The following XG variants were observed in gnomAD, a reference collection of about 807,000 sequenced individuals.
XG encodes the protein Xg glycoprotein (Xg blood group).
Under a neutral mutation model 25.7 loss-of-function variants are expected in XG, and 24 were observed. The observed-to-expected ratio is 0.93, with a 90% CI of 0.68 to 1.31. The LOEUF (loss-of-function observed/expected upper bound fraction) is 1.31, where lower values mean the gene tolerates loss of function less well. XG is among the 40% of genes most tolerant of loss of function. XG has a pLI of 0.00. For synonymous variants in XG, 77 were observed against 69.2 expected, an observed-to-expected ratio of 1.11 and a Z score of -0.56; for missense variants, 181 against 187.6, an observed-to-expected ratio of 0.96 and a Z score of 0.21.
chrX:2,769,305 C>T (rs1412694905), intron 1 of XG, among the ~76,000 whole-genome samples: 3 of 152,214 alleles, frequency 2.0e-5, no homozygotes, highest in Admixed American at 2.0e-4. Flanking sequence ...CTGGTTCCCC[C>T]AGGCTTAGCC....
At chrX:2,808,365 C>T (rs896570052) in intron 9 of XG, 145 bp downstream of exon 9, 1 of 848,034 alleles carries the variant, frequency 1.2e-6, no homozygotes, top group Non-Finnish European at 1.7e-6. Context: ...AAAGTAGCTC[C>T]TGAATAAAAA....
rs2087097153 is a variant in XG at position 2,815,637 on chromosome X, A to C, written c.*1257A>C. The stretch of plus-strand genomic sequence containing the variant: ...TGCATCATTTGTGCAGTTTGAAGAT[A>C]GTCCATATTTCCTATTTCAGTATTA... On this transcript the variant is annotated 3_prime_UTR_variant, in exon 11 of 11. Transcript: ENST00000644266. 1 of 111,147 alleles carries C rather than the reference A, an allele frequency of 9.0e-6. No individual in the cohort carries two copies. The highest frequency in any genetic ancestry group is 3.8e-4 in the South Asian group (1 of 2,598). The allele number at this position is 111,147 out of a possible 1,213,427, so 9.2% of individuals were successfully genotyped here. A position where few individuals can be genotyped will look rare whatever the true frequency, so the allele number is the denominator to read the frequency against.
rs1467815831 is a variant in XG at position 2,794,549 on chromosome X, G to C, written c.268G>C (p.Val90Leu). ...CTGCCCCACAGGTTACTTCAATGAT[G>C]TGGACCGTGATGACGGACGCTACCC... ...SGNSGGYFND[V>L]DRDDGRYPPR... is the part of the protein sequence containing the mutation. The change falls in exon 6 of 11, where the codon GTG becomes CTG. Residue 90 changes from valine (V) to leucine (L), a missense_variant. Physicochemically the swap from Val to Leu is conservative, Grantham distance 32. Transcript: ENST00000644266. 1.7e-6 allele frequency: 2 copies of C among 1,210,381 alleles called. No individual in the cohort carries two copies. The highest frequency in any genetic ancestry group is 2.2e-6 in the Non-Finnish European group (2 of 895,241).
Position 2,752,333 on chromosome X carries a change from G to C in XG, c.59G>C (p.Arg20Pro). The C allele has an allele frequency of 6.2e-7, 1 of 1,613,226 alleles. No individual in the cohort carries two copies. The highest frequency in any genetic ancestry group is 1.1e-5 in the South Asian group (1 of 91,026). ...LAFLCFLMHARGQRDFDLADA... is the reference protein window; with the variant it reads ...LAFLCFLMHAPGQRDFDLADA... ...TTCCTGTGTTTTCTAATGCACGCCC[G>C]AGGTAAGAGGCATTTTGCTTTGAGG... is the stretch of plus-strand genomic sequence containing the variant. The change falls in exon 1 of 11, where the codon CGA becomes CCA. Residue 20 changes from arginine to proline, a missense_variant and splice_region_variant. Transcript: ENST00000644266.
intron 5 of XG, among the ~76,000 whole-genome samples, chrX:2,790,505 G>GGA: frequency 1.3e-5 from 1 of 79,708 alleles, no homozygotes; most frequent in South Asian, 7.4e-4. Context: ...GTCTCAAAAG[G>GGA]AAAAAAAAAA....
At chrX:2,766,925 T>C (rs942170295) in intron 1 of XG, among the ~76,000 whole-genome samples, 1 of 152,106 alleles carries the variant, frequency 6.6e-6, no homozygotes, top group Non-Finnish European at 1.5e-5. Flanking sequence ...TTAGGTTTTA[T>C]GGCTGGCTTC....
intron 1 of XG, among the ~76,000 whole-genome samples, chrX:2,763,800 A>G (rs1189982339): frequency 2.0e-5 from 3 of 152,176 alleles, no homozygotes; most frequent in African/African-American, 7.2e-5. Context: ...TGCCCTCTAA[A>G]TAGCTCGGAA....
chrX:2,796,035 A>C (rs1355434596), intron 6 of XG, among the ~76,000 whole-genome samples: 3 of 103,567 alleles, frequency 2.9e-5, no homozygotes, highest in African/African-American at 1.2e-4. Flanking sequence ...ATACATTTTT[A>C]TATTTTATGT....
chrX:2,787,209 G>C (rs2086792490), intron 4 of XG, among the ~76,000 whole-genome samples: 1 of 109,370 alleles, frequency 9.1e-6, no homozygotes, highest in African/African-American at 3.3e-5. Context: ...CCCAGTCTTT[G>C]GTATTCTGTG....
At chrX:2,784,102 T>C (rs5982853) in intron 4 of XG, among the ~76,000 whole-genome samples, 33,115 of 110,638 alleles carry the variant, frequency 0.3, 6,900 homozygotes, top group African/African-American at 0.76. Flanking sequence ...AAATCCCAAA[T>C]ACCACCCACC....
Position 2,756,922 on chromosome X carries a change from G to T in XG, c.61+4587G>T, listed in dbSNP as rs193174900. Among the ~76,000 whole-genome samples the T allele has an allele frequency of 3.3e-3, 496 of 152,278 alleles. 1 individual carries two copies. The highest frequency in any genetic ancestry group is 5.9e-3 in the Non-Finnish European group (398 of 68,016). The stretch of plus-strand genomic sequence containing the variant: ...CGGTGCTCTTTTAGCTCTGCCATCC[G>T]CACGTGGCTTAAGTGTTAGCCAGCT... On this transcript the variant is annotated intron_variant, in intron 1 of 10. Transcript: ENST00000644266.
chrX:2,801,625 G>A (rs113167721), intron 7 of XG, among the ~76,000 whole-genome samples: 7,432 of 111,784 alleles, frequency 0.066, 195 homozygotes, highest in South Asian at 0.13. Context: ...CATCTTGAAC[G>A]TGTCTAGGCC....
At chrX:2,760,473 T>A (rs1165054975) in intron 1 of XG, among the ~76,000 whole-genome samples, 1 of 151,376 alleles carries the variant, frequency 6.6e-6, no homozygotes, top group Admixed American at 6.6e-5. Context: ...CGGTGGCTCA[T>A]GCCTGTAATC....
At chrX:2,772,894 C>T (rs963904888) in intron 2 of XG, among the ~76,000 whole-genome samples, 2 of 152,178 alleles carry the variant, frequency 1.3e-5, no homozygotes, top group Non-Finnish European at 2.9e-5. Flanking sequence ...AGCCCTTCCT[C>T]ATGGGAAGGA....
At chrX:2,800,975 CAA>C (rs55635919) in intron 7 of XG, among the ~76,000 whole-genome samples, 145 of 36,419 alleles carry the variant, frequency 4.0e-3, no homozygotes, top group African/African-American at 0.013. Context: ...GACCCTGTCT[CAA>C]AAAAAAAAAA....
rs1569459867 is a variant in XG at position 2,766,621 on chromosome X, C to CGG, written c.62-3929_62-3928insGG. 1.8e-4 allele frequency among the ~76,000 whole-genome samples: 24 copies of CGG among 133,254 alleles called. No individual in the cohort carries two copies. In the East Asian group the frequency reaches 4.6e-3, roughly 26 times the overall value. The allele number at this position is 133,254 out of a possible 152,430, so 87.4% of individuals were successfully genotyped here. ...GCTCTGTCACCCAGGCTGGAGTGTA[C>CGG]TGGTGTGAACTCGGCTCACTGCAAG... is the stretch of plus-strand genomic sequence containing the variant. On this transcript the variant is annotated intron_variant, in intron 1 of 10. Coordinates refer to ENST00000644266, the MANE Select transcript of XG (RefSeq NM_001141919.2).
intron 1 of XG, among the ~76,000 whole-genome samples, chrX:2,754,755 C>A (rs1327020431): frequency 6.6e-6 from 1 of 152,128 alleles, no homozygotes; most frequent in Non-Finnish European, 1.5e-5. Flanking sequence ...TGTCTCTTTT[C>A]ACATTTTTCT....
chrX:2,783,173 C>A (rs758306305), intron 4 of XG, among the ~76,000 whole-genome samples: 1 of 111,697 alleles, frequency 9.0e-6, no homozygotes, highest in African/African-American at 3.2e-5. Context: ...CTCCAAATAC[C>A]TTTGGCTTAA....
intron 1 of XG, among the ~76,000 whole-genome samples, chrX:2,753,325 A>G (rs73190912): frequency 0.058 from 8,856 of 152,224 alleles, 251 homozygotes; most frequent in Middle Eastern, 0.14. Flanking sequence ...GCTTCTGTTT[A>G]CAGGGAGATG....
Sources: allele counts gnomAD v4.1 joint callset (sites outside exome capture counted in the v4.1 genomes callset), GRCh38; gene constraint gnomAD v4.1.1; transcripts MANE v1.5; gene names NCBI Gene and HGNC (gene_info 2026-07-23, HGNC 2026-07-21).